The following PLB1 variants were observed in gnomAD, a reference collection of about 807,000 sequenced individuals.
PLB1 encodes phospholipase B1.
In PLB1, 242 loss-of-function variants were observed where a neutral mutation model predicts 227.4. That is an observed-to-expected ratio of 1.06 (90% CI 0.96 to 1.18). PLB1 has a LOEUF of 1.18. PLB1 is among the 50% of genes most tolerant of loss of function. The pLI is 0.00. For synonymous variants in PLB1, 757 were observed against 682.2 expected (o/e 1.11, Z -1.71); for missense variants, 1,858 against 1,816.3 (o/e 1.02, Z -0.42).
intron 49 of PLB1, among the ~76,000 whole-genome samples, chr2:28,623,085 T>A (rs1687260484): frequency 6.6e-6 from 1 of 152,174 alleles, no homozygotes; most frequent in Non-Finnish European, 1.5e-5. Flanking sequence ...GCACACAGTA[T>A]GAACTGCACT....
At chr2:28,516,131 T>C (rs1243574499) in intron 1 of PLB1, among the ~76,000 whole-genome samples, 1 of 152,228 alleles carries the variant, frequency 6.6e-6, no homozygotes, top group Non-Finnish European at 1.5e-5. Context: ...GGAAAACTTA[T>C]CTACGTGTAC....
At chr2:28,539,243 G>A in intron 11 of PLB1, 65 bp downstream of exon 11, 1 of 1,404,212 alleles carries the variant, frequency 7.1e-7, no homozygotes, top group Non-Finnish European at 1.0e-6. Flanking sequence ...GGCCTGTGGG[G>A]GCCCTTCATG....
intron 17 of PLB1, among the ~76,000 whole-genome samples, chr2:28,558,705 A>ATG (rs3041213): frequency 0.031 from 4,590 of 150,264 alleles, 104 homozygotes; most frequent in Middle Eastern, 0.072. Context: ...GTGTGTGTGT[A>ATG]TGTGTGTGTG....
intron 1 of PLB1, among the ~76,000 whole-genome samples, chr2:28,499,128 A>T (rs1437400448): frequency 6.6e-6 from 1 of 152,134 alleles, no homozygotes; most frequent in Non-Finnish European, 1.5e-5. Flanking sequence ...ATTGATATAT[A>T]GAAATAAAGT....
intron 16 of PLB1, among the ~76,000 whole-genome samples, chr2:28,550,719 T>C (rs1484945568): frequency 2.6e-5 from 4 of 151,616 alleles, no homozygotes; most frequent in Admixed American, 2.6e-4. Flanking sequence ...TTTTTGTATT[T>C]TTAGTAGAGA....
At chr2:28,611,833 G>A (rs1291677282) in intron 43 of PLB1, among the ~76,000 whole-genome samples, 1 of 152,076 alleles carries the variant, frequency 6.6e-6, no homozygotes, top group Non-Finnish European at 1.5e-5. Context: ...TTGGCCCTGA[G>A]TACCTCTCCT....
chr2:28,597,739 TAGTATATACTC>T (rs1475179855), intron 33 of PLB1, among the ~76,000 whole-genome samples: 1 of 152,200 alleles, frequency 6.6e-6, no homozygotes, highest in Non-Finnish European at 1.5e-5. Flanking sequence ...TCTGGGCACA[TAGTATATACTC>T]AGCTAAGCAT....
rs757890449 is a variant in PLB1 at position 28,603,952 on chromosome 2, C to T, written c.2775-14C>T. On this transcript the variant is annotated splice_polypyrimidine_tract_variant and intron_variant, in intron 39 of 57. Coordinates refer to ENST00000327757, the MANE Select transcript of PLB1 (RefSeq NM_153021.5). ...CTGAGCTCTGGGGCCTCCTGCCTCC[C>T]CCTCTTTGTGCAGCGTTTTGTGTAA... The T allele has an allele frequency of 1.2e-6, 2 of 1,613,512 alleles. No individual in the cohort carries two copies. The highest frequency in any genetic ancestry group is 3.3e-4 in the Middle Eastern group (2 of 6,048).
intron 46 of PLB1, 121 bp downstream of exon 46, chr2:28,618,520 A>C: frequency 9.8e-7 from 1 of 1,016,966 alleles, no homozygotes; most frequent in Non-Finnish European, 1.5e-6. Context: ...CTGAGGGCCT[A>C]CCCATGTCAG....
Position 28,582,204 on chromosome 2 carries a change from G to A in PLB1, c.1632+71G>A, listed in dbSNP as rs1680145962. 3 of 1,514,236 alleles carry A rather than the reference G, an allele frequency of 2.0e-6. No homozygotes were observed. The Admixed American group carries it at 5.0e-5, about 25-fold the overall frequency. The allele number at this position is 1,514,236 out of a possible 1,614,324, so 93.8% of individuals were successfully genotyped here. A position where few individuals can be genotyped will look rare whatever the true frequency, so the allele number is the denominator to read the frequency against. On this transcript the variant is annotated intron_variant, in intron 24 of 57. Coordinates refer to ENST00000327757, the MANE Select transcript of PLB1 (RefSeq NM_153021.5). ...AGCCTAGAGGAAGCTCTGGCATCCT[G>A]CTGAGACCTCCTTGGCAGGTCACCT...
intron 56 of PLB1, among the ~76,000 whole-genome samples, chr2:28,634,407 T>C (rs982538063): frequency 8.5e-5 from 13 of 152,176 alleles, no homozygotes; most frequent in Non-Finnish European, 5.9e-5. Flanking sequence ...CTATTCCCTG[T>C]TCCTTTTCCC....
intron 47 of PLB1, 133 bp from the exon 48 acceptor site, chr2:28,620,467 G>GCAT: frequency 7.4e-7 from 1 of 1,356,612 alleles, no homozygotes; most frequent in Non-Finnish European, 1.0e-6. Flanking sequence ...CTCAATGCTT[G>GCAT]CATTACCCCT....
chr2:28,500,763 AAAG>A (rs1198054665), intron 1 of PLB1, among the ~76,000 whole-genome samples: 1 of 152,212 alleles, frequency 6.6e-6, no homozygotes, highest in African/African-American at 2.4e-5. Context: ...AAAGAAAAGA[AAAG>A]AAAAGAAATT....
intron 14 of PLB1, among the ~76,000 whole-genome samples, chr2:28,543,676 G>A (rs749384265): frequency 1.3e-5 from 2 of 152,186 alleles, no homozygotes; most frequent in African/African-American, 2.4e-5. Flanking sequence ...TGGAACAAGC[G>A]TGGGCTGCAG....
At chr2:28,598,559 G>A (rs915039974) in intron 34 of PLB1, 93 bp from the exon 35 acceptor site, 2 of 956,520 alleles carry the variant, frequency 2.1e-6, no homozygotes, top group Non-Finnish European at 3.4e-6. Flanking sequence ...TGATAACACA[G>A]CCCACTTTGG....
intron 4 of PLB1, among the ~76,000 whole-genome samples, chr2:28,522,570 C>T (rs113177536): frequency 4.6e-5 from 7 of 152,204 alleles, no homozygotes; most frequent in Admixed American, 6.5e-5. Context: ...ACAGGACTCT[C>T]GGGTCCTTCT....
At chr2:28,581,938 G>A (rs1680085046) in intron 23 of PLB1, 130 bp from the exon 24 acceptor site, 1 of 786,374 alleles carries the variant, frequency 1.3e-6, no homozygotes, top group Non-Finnish European at 2.0e-6. Context: ...TCCAGCCCGG[G>A]AGACAGAGTG....
chr2:28,622,763 G>A (rs1687212095), intron 49 of PLB1, among the ~76,000 whole-genome samples: 1 of 152,154 alleles, frequency 6.6e-6, no homozygotes, highest in Admixed American at 6.5e-5. Context: ...GTACACGCCT[G>A]TAATCCCAGC....
intron 29 of PLB1, among the ~76,000 whole-genome samples, chr2:28,590,792 G>A (rs1279041735): frequency 2.0e-5 from 3 of 152,098 alleles, no homozygotes; most frequent in East Asian, 3.9e-4. Flanking sequence ...CCTGGGGAGC[G>A]GAGACAAGGG....
Sources: gnomAD v4.1 joint callset for allele counts (sites outside exome capture counted in the v4.1 genomes callset) on GRCh38, gnomAD v4.1.1 for gene constraint, MANE v1.5 for transcripts, NCBI Gene and HGNC (gene_info 2026-07-23, HGNC 2026-07-21) for gene names.